The following KCTD21 variants were observed in gnomAD, a reference collection of about 807,000 sequenced individuals.
KCTD21 encodes the protein BTB/POZ domain-containing protein KCTD21.
Under a neutral mutation model 13.2 loss-of-function variants are expected in KCTD21, and 9 were observed. The observed-to-expected ratio is 0.68, with a 90% CI of 0.41 to 1.19. The LOEUF (loss-of-function observed/expected upper bound fraction) is 1.19. Among genes scored for constraint, KCTD21 ranks in the 50% most tolerant of loss-of-function variants. The pLI, the probability that KCTD21 is intolerant of heterozygous loss-of-function variation, is 0.01. For missense variants in KCTD21, 303 were observed against 336.5 expected, an observed-to-expected ratio of 0.90 and a Z score of 0.78; for synonymous variants, 142 against 137.4, an observed-to-expected ratio of 1.03 and a Z score of -0.23.
At chr11:78,180,474 G>A (rs1460551869) in intron 1 of KCTD21, among the ~76,000 whole-genome samples, 2 of 152,092 alleles carry the variant, frequency 1.3e-5, no homozygotes, top group Admixed American at 1.3e-4. Flanking sequence ...CAGCCTGGCC[G>A]ACATGGTGAA....
chr11:78,185,981 C>T (rs1255199461), intron 1 of KCTD21, among the ~76,000 whole-genome samples: 1 of 152,108 alleles, frequency 6.6e-6, no homozygotes, highest in Non-Finnish European at 1.5e-5. Context: ...AACCCAGAAT[C>T]TCTGTAACTC....
rs946628229 is a variant in KCTD21, at chr11:78,173,646, G to A, written c.*126C>T. On this transcript the variant is annotated 3_prime_UTR_variant, in exon 2 of 2. Transcript: ENST00000340067. ...TGGACTTCATCATGGGGGGAATCAAGTCCTGCTACACAATTAATACAGATT... is the reference window on the plus strand; with the variant it reads ...TGGACTTCATCATGGGGGGAATCAAATCCTGCTACACAATTAATACAGATT... 1.3e-6 allele frequency: 1 copy of A among 797,682 alleles called. No homozygotes were observed. Among genetic ancestry groups the A allele is most frequent in the Non-Finnish European group, 2.0e-6 (1 of 493,516 alleles). 49.4% of individuals were successfully genotyped at this position (797,682 alleles called of 1,614,324 possible). A position where few individuals can be genotyped will look rare whatever the true frequency, so the allele number is the denominator to read the frequency against.
chr11:78,187,589 C>CTTG (rs1242608110), intron 1 of KCTD21: 2 of 985,324 alleles, frequency 2.0e-6, no homozygotes, highest in African/African-American at 3.5e-5. Flanking sequence ...CACGCTTCAC[C>CTTG]TTGTGCTTTT....
At chr11:78,175,631 C>G (rs535927203) in intron 1 of KCTD21, among the ~76,000 whole-genome samples, 63 of 152,284 alleles carry the variant, frequency 4.1e-4, no homozygotes, top group Non-Finnish European at 7.5e-4. Flanking sequence ...AAAGATTTGA[C>G]AATGAATGGC....
chr11:78,180,876 T>C (rs999423610), intron 1 of KCTD21, among the ~76,000 whole-genome samples: 3 of 145,458 alleles, frequency 2.1e-5, no homozygotes, highest in African/African-American at 7.8e-5. Flanking sequence ...ATTGGGGCGG[T>C]TTTCCTCATG....
At position 78,173,412 on chromosome 11, in the gene KCTD21, G is replaced by A. The variant is rs1358399643; in HGVS notation, c.*360C>T. The A allele has an allele frequency of 1.0e-5, 2 of 193,514 alleles. No individual in the cohort carries two copies. Among genetic ancestry groups the A allele is most frequent in the Admixed American group, 1.1e-4 (2 of 18,986 alleles). The allele number at this position is 193,514 out of a possible 1,614,324, so 12.0% of individuals were successfully genotyped here. On this transcript the variant is annotated 3_prime_UTR_variant, in exon 2 of 2. Transcript: ENST00000340067. Reference sequence around the variant, plus strand: ...TCCTCTCCACCAGGGCCTTCTTACAGATGGATAAATGCGGCACTGGCTAGC... The same window carrying A: ...TCCTCTCCACCAGGGCCTTCTTACAAATGGATAAATGCGGCACTGGCTAGC...
chr11:78,171,289 C>T lies in KCTD21; in HGVS notation c.*2483G>A, dbSNP rs1339605579. 2.0e-5 allele frequency: 3 copies of T among 152,608 alleles called. No individual in the cohort carries two copies. Among genetic ancestry groups the T allele is most frequent in the Non-Finnish European group, 4.4e-5 (3 of 68,040 alleles). The allele number at this position is 152,608 out of a possible 1,614,324, so 9.5% of individuals were successfully genotyped here. The stretch of plus-strand genomic sequence containing the variant: ...ACTGTATTCTCACGTTACATTATTT[C>T]ATTTGATCCTCACAACAGCCCTGTG... On this transcript the variant is annotated 3_prime_UTR_variant, in exon 2 of 2. Coordinates refer to ENST00000340067, the MANE Select transcript of KCTD21 (RefSeq NM_001029859.3).
intron 1 of KCTD21, among the ~76,000 whole-genome samples, chr11:78,176,731 T>A (rs1452175138): frequency 1.3e-5 from 2 of 152,180 alleles, no homozygotes; most frequent in Non-Finnish European, 2.9e-5. Context: ...CAGTGGCTCA[T>A]GCCTGTAATT....
chr11:78,177,428 G>A lies in KCTD21; in HGVS notation c.-29-2845C>T, dbSNP rs765605787. ...CCCACAGAGGTGTGGGCGAGCTGCC[G>A]CTGGGGGCATGGCTGCTGGTGTGGA... On this transcript the variant is annotated intron_variant, in intron 1 of 1. Transcript: ENST00000340067. 1.3e-4 allele frequency among the ~76,000 whole-genome samples: 20 copies of A among 152,322 alleles called. No homozygotes were observed. The South Asian group carries it at 3.3e-3, about 25-fold the overall frequency.
intron 1 of KCTD21, among the ~76,000 whole-genome samples, chr11:78,184,064 G>T (rs1343951551): frequency 6.6e-6 from 1 of 152,204 alleles, no homozygotes; most frequent in Admixed American, 6.5e-5. Flanking sequence ...GGTGTGAAAG[G>T]TTATCAGGAA....
chr11:78,179,211 T>C (rs546065080), intron 1 of KCTD21, among the ~76,000 whole-genome samples: 1 of 151,968 alleles, frequency 6.6e-6, no homozygotes, highest in East Asian at 1.9e-4. Context: ...TTTACTTTTT[T>C]TTTTTTTAGT....
intron 1 of KCTD21, chr11:78,187,275 C>A: frequency 1.8e-5 from 18 of 985,404 alleles, no homozygotes; most frequent in Non-Finnish European, 2.2e-5. Flanking sequence ...ACCTCCTCTT[C>A]CTGACCACCC....
chr11:78,175,700 G>T (rs1312056659), intron 1 of KCTD21, among the ~76,000 whole-genome samples: 1 of 151,964 alleles, frequency 6.6e-6, no homozygotes, highest in Non-Finnish European at 1.5e-5. Context: ...TCAGCTGTCC[G>T]GACTGCAAAT....
Position 78,174,529 on chromosome 11 carries a change from A to T in KCTD21, c.26T>A (p.Val9Asp). 1 of 1,612,946 alleles carries T rather than the reference A, an allele frequency of 6.2e-7. No homozygotes were observed. Among genetic ancestry groups the T allele is most frequent in the Non-Finnish European group, 8.5e-7 (1 of 1,179,394 alleles). Residue 9 changes from valine to aspartate, a missense_variant, in exon 2 of 2, where the codon GTC (valine) becomes GAC (aspartate). Transcript: ENST00000340067. MSDPITLN[V>D]GGKLYTTSLA... ...TGAGGTTGTATAGAGCTTCCCCCCG[A>T]CGTTCAGCGTGATGGGGTCGGACAT...
At chr11:78,188,425 C>T (rs1374336735) in intron 1 of KCTD21, 148 bp downstream of exon 1, 2 of 985,576 alleles carry the variant, frequency 2.0e-6, no homozygotes, top group East Asian at 1.1e-4. Context: ...CCCCCTCCCC[C>T]GCACCACAGG....
At chr11:78,180,984 A>G (rs658460) in intron 1 of KCTD21, among the ~76,000 whole-genome samples, 24,087 of 152,132 alleles carry the variant, frequency 0.16, 2,038 homozygotes, top group African/African-American at 0.2. Context: ...ATGTGAAGAA[A>G]GACATGTTTG....
rs1862871528 is a variant in KCTD21 at position 78,188,309 on chromosome 11, C to G, written c.-30+264G>C. The G allele has an allele frequency of 5.1e-6, 5 of 984,948 alleles. No individual in the cohort carries two copies. In the South Asian group the frequency reaches 1.4e-4, roughly 28 times the overall value. 61.0% of individuals were successfully genotyped at this position (984,948 alleles called of 1,614,324 possible). On this transcript the variant is annotated intron_variant, in intron 1 of 1. Coordinates refer to ENST00000340067, the MANE Select transcript of KCTD21 (RefSeq NM_001029859.3). ...AAGGACTCCTCCCACAGTCCCGACC[C>G]TCATTATCCGGGCTTTTCCGACTAT...
intron 1 of KCTD21, chr11:78,177,825 C>G (rs1335866490): frequency 2.0e-5 from 3 of 152,266 alleles, no homozygotes; most frequent in African/African-American, 7.2e-5. Flanking sequence ...TGCATTACTG[C>G]TGAAGTGCTC....
rs145875465 is a variant in KCTD21 at position 78,185,885 on chromosome 11, C to T, written c.-30+2688G>A. Among the ~76,000 whole-genome samples, 647 of 152,252 alleles carry T rather than the reference C, an allele frequency of 4.2e-3. 5 individuals carry two copies. The highest frequency in any genetic ancestry group is 0.015 in the African/African-American group (616 of 41,552). On this transcript the variant is annotated intron_variant, in intron 1 of 1. Coordinates refer to ENST00000340067, the MANE Select transcript of KCTD21 (RefSeq NM_001029859.3). ...GGGATTACAGGCGTGAGCCACCGCG[C>T]CCGGCCAGGTCTGCCTATCTTCTGT...
Sources: allele counts gnomAD v4.1 joint callset (sites outside exome capture counted in the v4.1 genomes callset), GRCh38; gene constraint gnomAD v4.1.1; transcripts MANE v1.5; gene names NCBI Gene and HGNC (gene_info 2026-07-23, HGNC 2026-07-21).